TRAF3IP3: variants seen among roughly 807,000 people sequenced by gnomAD.
TRAF3IP3 encodes TRAF3-interacting JNK-activating modulator.
TRAF3IP3 carries 64 observed loss-of-function variants against 86.5 expected under a neutral mutation model. The observed-to-expected ratio is 0.74, with a 90% CI of 0.60 to 0.91. The LOEUF (loss-of-function observed/expected upper bound fraction) is 0.91. TRAF3IP3 is among the 40% of genes least tolerant of loss of function. The pLI is 0.00. For missense variants in TRAF3IP3, 579 were observed against 642.9 expected, an observed-to-expected ratio of 0.90 and a Z score of 1.07; for synonymous variants, 220 against 243.9, an observed-to-expected ratio of 0.90 and a Z score of 0.91.
At chr1:209,776,515 AG>A (rs1247615381) in intron 11 of TRAF3IP3, 1 of 152,296 alleles carries the variant, frequency 6.6e-6, no homozygotes, top group East Asian at 1.9e-4. Flanking sequence ...GAGTGAACCC[AG>A]CTGGTCACTC....
Position 209,762,676 on chromosome 1 carries a change from C to A in TRAF3IP3, c.493+14C>A. ...AACACCACCGTGGTAAGAGCAGAGCCTCCCTCACTCCACAGGGCCTGCAGA... is the reference window on the plus strand; with the variant it reads ...AACACCACCGTGGTAAGAGCAGAGCATCCCTCACTCCACAGGGCCTGCAGA... On this transcript the variant is annotated intron_variant, in intron 4 of 16. Transcript: ENST00000367025. The A allele has an allele frequency of 7.6e-7, 1 of 1,310,914 alleles. No homozygotes were observed. Among genetic ancestry groups the A allele is most frequent in the South Asian group, 1.6e-5 (1 of 62,190 alleles). The allele number at this position is 1,310,914 out of a possible 1,614,324, so 81.2% of individuals were successfully genotyped here. A position where few individuals can be genotyped will look rare whatever the true frequency, so the allele number is the denominator to read the frequency against.
At chr1:209,768,579 G>T in intron 8 of TRAF3IP3, 1 of 985,802 alleles carries the variant, frequency 1.0e-6, no homozygotes, top group Non-Finnish European at 1.2e-6. Flanking sequence ...CTGTGGTGAG[G>T]TGGTGGTGTT....
chr1:209,779,755 A>G lies in TRAF3IP3; in HGVS notation c.1312+381A>G, dbSNP rs116310157. ...CCAGAGTCAACTCACTGTTAGCCCT[A>G]GAGAGTCTACTGTCCATGTTTCCTG... On this transcript the variant is annotated intron_variant, in intron 14 of 16. Coordinates refer to ENST00000367025, the MANE Select transcript of TRAF3IP3 (RefSeq NM_025228.4). 3.9e-3 allele frequency: 2,112 copies of G among 535,178 alleles called. 39 individuals carry two copies. The highest frequency in any genetic ancestry group is 0.036 in the African/African-American group (1,910 of 52,782). 33.2% of individuals were successfully genotyped at this position (535,178 alleles called of 1,614,324 possible). A position where few individuals can be genotyped will look rare whatever the true frequency, so the allele number is the denominator to read the frequency against.
chr1:209,781,257 G>GGCTGGGA, intron 15 of TRAF3IP3, 88 bp from the exon 16 acceptor site: 1 of 813,338 alleles, frequency 1.2e-6, no homozygotes, highest in Non-Finnish European at 2.0e-6. Flanking sequence ...AATTCCAAAT[G>GGCTGGGA]AGTGAAACTT....
intron 8 of TRAF3IP3, among the ~76,000 whole-genome samples, chr1:209,766,631 A>G (rs1195984814): frequency 6.6e-6 from 1 of 152,264 alleles, no homozygotes; most frequent in African/African-American, 2.4e-5. Context: ...TGGGAGGCCA[A>G]GGCAGGTGGA....
chr1:209,759,913 TAGGGA>T lies in TRAF3IP3; in HGVS notation c.-58-68_-58-64del, dbSNP rs1159794990. The T allele has an allele frequency of 4.2e-5, 31 of 735,356 alleles. No individual in the cohort carries two copies. In the South Asian group the frequency reaches 5.4e-4, roughly 13 times the overall value. The allele number at this position is 735,356 out of a possible 1,614,324, so 45.6% of individuals were successfully genotyped here. Reference sequence around the variant, plus strand: ...TCTGTGCTATTTCTGCCCCCTGGTCTAGGGAGATAGTCATTTTTCTGCCCATCTTC... The same window carrying T: ...TCTGTGCTATTTCTGCCCCCTGGTCTGATAGTCATTTTTCTGCCCATCTTC... On this transcript the variant is annotated intron_variant, in intron 2 of 16. Transcript: ENST00000367025.
chr1:209,774,304 A>AT (rs923895565), intron 9 of TRAF3IP3, among the ~76,000 whole-genome samples: 58 of 151,916 alleles, frequency 3.8e-4, no homozygotes, highest in Middle Eastern at 3.2e-3. Flanking sequence ...AGCTACAATG[A>AT]TTTTTTTTTA....
In TRAF3IP3 at chr1:209,778,117, T is replaced by A. The variant is rs770255347; in HGVS notation, c.1196T>A (p.Leu399Gln). Residue 399 changes from leucine to glutamine, a missense_variant, in exon 13 of 17, where the codon CTA (leucine) becomes CAA (glutamine). Coordinates refer to ENST00000367025, the MANE Select transcript of TRAF3IP3 (RefSeq NM_025228.4). ...SLDTQDLQDQ[L>Q]KRSEAEKLTL... ...TGCATTATTGCATTTTCAGATCAAC[T>A]AAAAAGGTCAGAGGCAGAGAAACTC... The A allele has an allele frequency of 6.2e-6, 10 of 1,614,060 alleles. No homozygotes were observed. The highest frequency in any genetic ancestry group is 1.7e-5 in the Admixed American group (1 of 60,024).
intron 3 of TRAF3IP3, 99 bp from the exon 4 acceptor site, chr1:209,762,416 T>C (rs1044500959): frequency 5.4e-6 from 7 of 1,286,684 alleles, no homozygotes; most frequent in African/African-American, 4.6e-5. Context: ...ACTCAGTCCA[T>C]AACAAACATG....
At chr1:209,778,364 CT>C in intron 13 of TRAF3IP3, 191 bp downstream of exon 13, 3 of 509,618 alleles carry the variant, frequency 5.9e-6, no homozygotes, top group South Asian at 3.2e-5. Flanking sequence ...AGCCTCTGTT[CT>C]TTTTTTTCTA....
intron 8 of TRAF3IP3, among the ~76,000 whole-genome samples, chr1:209,764,894 C>A (rs925668618): frequency 6.6e-6 from 1 of 151,740 alleles, no homozygotes; most frequent in Admixed American, 6.6e-5. Context: ...AAACAGTTGG[C>A]CAGGTGCCGT....
At chr1:209,764,018 C>A (rs1358793778) in intron 8 of TRAF3IP3, among the ~76,000 whole-genome samples, 1 of 152,204 alleles carries the variant, frequency 6.6e-6, no homozygotes, top group Non-Finnish European at 1.5e-5. Flanking sequence ...ACCTTAGAGA[C>A]AATCTGGCCT....
Position 209,762,565 on chromosome 1 carries a change from A to G in TRAF3IP3, c.396A>G (p.Ser132=). The G allele has an allele frequency of 6.7e-7, 1 of 1,483,496 alleles. No homozygotes were observed. The highest frequency in any genetic ancestry group is 9.0e-7 in the Non-Finnish European group (1 of 1,117,202). The allele number at this position is 1,483,496 out of a possible 1,614,324, so 91.9% of individuals were successfully genotyped here. The change falls in exon 4 of 17, where the codon TCA becomes TCG. Residue 132 remains serine, a synonymous_variant. Transcript: ENST00000367025. ...EVFPAQHPPP[S]GICRDLSDHL... ...TTCCAGCCCAGCATCCTCCTCCCTCAGGCATCTGCAGGGATCTGTCTGACC... is the reference window on the plus strand; with the variant it reads ...TTCCAGCCCAGCATCCTCCTCCCTCGGGCATCTGCAGGGATCTGTCTGACC...
Position 209,760,397 on chromosome 1 carries a change from A to G in TRAF3IP3, c.345+13A>G, listed in dbSNP as rs575380791. 3.8e-6 allele frequency: 6 copies of G among 1,564,854 alleles called. No individual in the cohort carries two copies. The South Asian group carries it at 5.9e-5, about 15-fold the overall frequency. On this transcript the variant is annotated intron_variant, in intron 3 of 16. Coordinates refer to ENST00000367025, the MANE Select transcript of TRAF3IP3 (RefSeq NM_025228.4). ...TCCCAGAGAGCAGGTGGGCCGTGTC[A>G]AGGGACATACTGCTGTGTGCTCTGG... is the stretch of plus-strand genomic sequence containing the variant.
chr1:209,763,411 C>T lies in TRAF3IP3; in HGVS notation c.606+19C>T, dbSNP rs887426596. 7 of 1,613,722 alleles carry T rather than the reference C, an allele frequency of 4.3e-6. No homozygotes were observed. Among genetic ancestry groups the T allele is most frequent in the Middle Eastern group, 1.7e-4 (1 of 6,054 alleles). ...CCTCAAAGTAAGTGGCATGTGACCC[C>T]TCCCCTCAGTTCCTCCATCCACTTA... is the stretch of plus-strand genomic sequence containing the variant. On this transcript the variant is annotated intron_variant, in intron 7 of 16. Coordinates refer to ENST00000367025, the MANE Select transcript of TRAF3IP3 (RefSeq NM_025228.4).
intron 11 of TRAF3IP3, 112 bp downstream of exon 11, chr1:209,775,848 T>G: frequency 1.0e-6 from 1 of 990,330 alleles, no homozygotes; most frequent in African/African-American, 1.6e-5. Context: ...CATCTGGCTT[T>G]CAGTTCCTCA....
At chr1:209,776,400 G>A (rs1314606353) in intron 11 of TRAF3IP3, 7 of 152,124 alleles carry the variant, frequency 4.6e-5, no homozygotes, top group African/African-American at 1.7e-4. Flanking sequence ...TACCTGGTTT[G>A]GAATTTTGAG....
chr1:209,756,606 T>G (rs1266049900), intron 1 of TRAF3IP3, among the ~76,000 whole-genome samples: 1 of 152,138 alleles, frequency 6.6e-6, no homozygotes. Context: ...ATGAATTAAA[T>G]GACCTTTTAC....
Position 209,759,908 on chromosome 1 carries a change from TGG to T in TRAF3IP3, c.-58-73_-58-72del, listed in dbSNP as rs1421249902. Reference sequence around the variant, plus strand: ...GGAACTCTGTGCTATTTCTGCCCCCTGGTCTAGGGAGATAGTCATTTTTCTGC... The same window carrying T: ...GGAACTCTGTGCTATTTCTGCCCCCTTCTAGGGAGATAGTCATTTTTCTGC... On this transcript the variant is annotated intron_variant, in intron 2 of 16. Transcript: ENST00000367025. The T allele has an allele frequency of 4.1e-5, 29 of 703,818 alleles. No individual in the cohort carries two copies. In the South Asian group the frequency reaches 5.3e-4, roughly 13 times the overall value. The allele number at this position is 703,818 out of a possible 1,614,324, so 43.6% of individuals were successfully genotyped here.
Sources: gnomAD v4.1 joint callset for allele counts (sites outside exome capture counted in the v4.1 genomes callset) on GRCh38, gnomAD v4.1.1 for gene constraint, MANE v1.5 for transcripts, NCBI Gene and HGNC (gene_info 2026-07-23, HGNC 2026-07-21) for gene names.